The following HCN2 variants were observed in gnomAD, a reference collection of about 807,000 sequenced individuals.
HCN2 encodes the protein potassium/sodium hyperpolarization-activated cyclic nucleotide-gated channel 2.
Under a neutral mutation model 52.3 loss-of-function variants are expected in HCN2, and 20 were observed. The ratio of observed to expected loss-of-function variants is 0.38; its 90% confidence interval spans 0.27 to 0.56. HCN2 has a LOEUF of 0.56. Ranked by LOEUF, HCN2 falls within the 20% of genes least tolerant of loss-of-function variation. HCN2 has a pLI of 0.71. For missense variants in HCN2, 981 were observed against 1,207.7 expected, an observed-to-expected ratio of 0.81 and a Z score of 2.78; for synonymous variants, 694 against 537.0, an observed-to-expected ratio of 1.29 and a Z score of -4.04.
chr19:592,395 G>A lies in HCN2; in HGVS notation c.632+1818G>A, dbSNP rs1030977095. 2.0e-5 allele frequency among the ~76,000 whole-genome samples: 3 copies of A among 152,198 alleles called. No homozygotes were observed. The highest frequency in any genetic ancestry group is 4.1e-4 in the South Asian group (2 of 4,836). The stretch of plus-strand genomic sequence containing the variant: ...GGCAGGTGGGCAGATGGCTGATCCC[G>A]GGGCTTGGGGGGAAGGCCGGTGGTA... On this transcript the variant is annotated intron_variant, in intron 1 of 7. Transcript: ENST00000251287. The surrounding 1 kb of genome is among the most constrained non-coding windows in gnomAD (Gnocchi z 4.8).
intron 7 of HCN2, 40 bp from the exon 8 acceptor site, chr19:615,755 G>T (rs1002766862): frequency 6.2e-7 from 1 of 1,602,726 alleles, no homozygotes; most frequent in Non-Finnish European, 8.5e-7. Context: ...GTACGCAGCA[G>T]GCGCTCCCTG....
chr19:597,326 C>G (rs532432575), intron 1 of HCN2, among the ~76,000 whole-genome samples: 1 of 152,326 alleles, frequency 6.6e-6, no homozygotes, highest in Admixed American at 6.5e-5. Context: ...AGTCCCACTT[C>G]CATCAGAGGG....
intron 1 of HCN2, among the ~76,000 whole-genome samples, chr19:597,165 C>G (rs1428496859): frequency 6.6e-6 from 1 of 152,256 alleles, no homozygotes; most frequent in East Asian, 1.9e-4. Flanking sequence ...CCCCTCTGCT[C>G]TGACCCCCGT....
chr19:608,582 G>A (rs979003390), intron 4 of HCN2, among the ~76,000 whole-genome samples: 2 of 152,018 alleles, frequency 1.3e-5, no homozygotes, highest in South Asian at 2.1e-4. Flanking sequence ...GGAGATGGAC[G>A]TGGGGCGGGG....
rs545569062 is a variant in HCN2, at chr19:600,675, T to G, written c.633-2869T>G. ...TCTGTATTTTTAGTAGAGACGGGGT[T>G]TCACCATATTGGCCAGGCTGGTCTC... On this transcript the variant is annotated intron_variant, in intron 1 of 7. Transcript: ENST00000251287. Among the ~76,000 whole-genome samples, 655 of 152,012 alleles carry G rather than the reference T, an allele frequency of 4.3e-3. 5 individuals carry two copies. Among genetic ancestry groups the G allele is most frequent in the African/African-American group, 0.015 (609 of 41,470 alleles).
Position 589,903 on chromosome 19 carries a change from G to C in HCN2, c.-43G>C. 2 of 802,506 alleles carry C rather than the reference G, an allele frequency of 2.5e-6. No homozygotes were observed. Among genetic ancestry groups the C allele is most frequent in the Non-Finnish European group, 3.0e-6 (2 of 676,502 alleles). The allele number at this position is 802,506 out of a possible 1,614,324, so 49.7% of individuals were successfully genotyped here. On this transcript the variant is annotated 5_prime_UTR_variant, in exon 1 of 8. Coordinates refer to ENST00000251287, the MANE Select transcript of HCN2 (RefSeq NM_001194.4). ...CCTCCCTCGGGCTCCGGCCGGCGGCGGCGGCGGCGGCTCCGCTCCGCACTG... is the reference window on the plus strand; with the variant it reads ...CCTCCCTCGGGCTCCGGCCGGCGGCCGCGGCGGCGGCTCCGCTCCGCACTG...
Position 607,963 on chromosome 19 carries a change from G to T in HCN2, c.1219-1G>T. 2 of 1,606,954 alleles carry T rather than the reference G, an allele frequency of 1.2e-6. No homozygotes were observed. The highest frequency in any genetic ancestry group is 1.7e-6 in the Non-Finnish European group (2 of 1,176,046). Reference sequence around the variant, plus strand: ...CACCGCCCCTCCTGCTGGCCTTGCAGAACCACTCGTGGAGTGAACTGTACT... The same window carrying T: ...CACCGCCCCTCCTGCTGGCCTTGCATAACCACTCGTGGAGTGAACTGTACT... On this transcript the variant is annotated splice_acceptor_variant, in intron 3 of 7. Transcript: ENST00000251287. LOFTEE classifies it high-confidence loss of function.
chr19:607,929 C>G, intron 3 of HCN2, 35 bp from the exon 4 acceptor site: 1 of 1,555,198 alleles, frequency 6.4e-7, no homozygotes, highest in Non-Finnish European at 8.8e-7. Context: ...GGCGTGAGCA[C>G]CTGCCCACCA....
At position 616,520 on chromosome 19, in the gene HCN2, C is replaced by G; in HGVS notation, c.*46C>G. ...GGCCCAGGCGGGCCGGGGGCGGGGC[C>G]GTCATCCAGACCAAAGCCATGCCAT... On this transcript the variant is annotated 3_prime_UTR_variant, in exon 8 of 8. Coordinates refer to ENST00000251287, the MANE Select transcript of HCN2 (RefSeq NM_001194.4). 2 of 1,131,328 alleles carry G rather than the reference C, an allele frequency of 1.8e-6. No individual in the cohort carries two copies. Among genetic ancestry groups the G allele is most frequent in the South Asian group, 2.7e-5 (1 of 37,466 alleles). The allele number at this position is 1,131,328 out of a possible 1,614,324, so 70.1% of individuals were successfully genotyped here. A position where few individuals can be genotyped will look rare whatever the true frequency, so the allele number is the denominator to read the frequency against.
rs947604075 is a variant in HCN2, at chr19:616,651, G to A, written c.*177G>A. ...GCGGGGCAGCCCCCTCCGCGCCCCCGGCCGTCCCCCCTCATCGCCCCGCGC... is the reference window on the plus strand; with the variant it reads ...GCGGGGCAGCCCCCTCCGCGCCCCCAGCCGTCCCCCCTCATCGCCCCGCGC... On this transcript the variant is annotated 3_prime_UTR_variant, in exon 8 of 8. Coordinates refer to ENST00000251287, the MANE Select transcript of HCN2 (RefSeq NM_001194.4). 67 of 277,228 alleles carry A rather than the reference G, an allele frequency of 2.4e-4. 1 individual carries two copies. The South Asian group carries it at 9.0e-3, about 37-fold the overall frequency. 17.2% of individuals were successfully genotyped at this position (277,228 alleles called of 1,614,324 possible). A position where few individuals can be genotyped will look rare whatever the true frequency, so the allele number is the denominator to read the frequency against.
At chr19:605,337 A>G (rs1983388860) in intron 3 of HCN2, 115 bp downstream of exon 3, 1 of 808,454 alleles carries the variant, frequency 1.2e-6, no homozygotes. Flanking sequence ...AGAGGTGGGG[A>G]CCCAGGCGCC....
chr19:590,474 A>G lies in HCN2; in HGVS notation c.529A>G (p.Lys177Glu). The G allele has an allele frequency of 6.6e-7, 1 of 1,521,616 alleles. No individual in the cohort carries two copies. Among genetic ancestry groups the G allele is most frequent in the Non-Finnish European group, 8.9e-7 (1 of 1,129,732 alleles). The allele number at this position is 1,521,616 out of a possible 1,614,324, so 94.3% of individuals were successfully genotyped here. Reference protein sequence around the residue: ...FGALLQPGVNKFSLRMFGSQK... With the variant: ...FGALLQPGVNEFSLRMFGSQK... ...CGCGCTCCTGCAGCCGGGCGTCAAC[A>G]AGTTCTCGCTGCGGATGTTCGGCAG... The change falls in exon 1 of 8, where the codon AAG (lysine) becomes GAG (glutamate). Residue 177 changes from lysine to glutamate, a missense_variant. Lys to Glu is a moderately conservative substitution (Grantham distance 56, BLOSUM62 1). Coordinates refer to ENST00000251287, the MANE Select transcript of HCN2 (RefSeq NM_001194.4). This position sits in a 1 kb window ranked among gnomAD's most constrained non-coding sequence, Gnocchi z 7.2.
At chr19:612,393 G>GGTGTGTGTGTGTGTGTGT (rs140326049) in intron 5 of HCN2, among the ~76,000 whole-genome samples, 325 of 141,834 alleles carry the variant, frequency 2.3e-3, no homozygotes, top group African/African-American at 6.4e-3. Context: ...GCTTTCCACT[G>GGTGTGTGTGTGTGTGTGT]GTGTGTGTGT....
At chr19:611,902 T>C (rs1983650863) in intron 5 of HCN2, among the ~76,000 whole-genome samples, 3 of 152,070 alleles carry the variant, frequency 2.0e-5, no homozygotes, top group Admixed American at 1.3e-4. Context: ...TCCCAGCACT[T>C]TCAGAGGCCG....
intron 4 of HCN2, 78 bp downstream of exon 4, chr19:608,260 C>A: frequency 7.4e-7 from 1 of 1,358,050 alleles, no homozygotes; most frequent in Non-Finnish European, 1.0e-6. Context: ...GAGAGTCAGG[C>A]CAGGCCCTGG....
intron 1 of HCN2, among the ~76,000 whole-genome samples, chr19:601,527 T>TGGTCAC (rs1983201038): frequency 8.2e-6 from 1 of 121,734 alleles, no homozygotes; most frequent in Admixed American, 1.0e-4. Context: ...CACAGCGGAG[T>TGGTCAC]GGTCGTCGTC....
rs1982815023 is a variant in HCN2 at position 590,014 on chromosome 19, G to A, written c.69G>A (p.Pro23=). The change falls in exon 1 of 8, where the codon CCG becomes CCA. Residue 23 remains proline (P), a synonymous_variant. Coordinates refer to ENST00000251287, the MANE Select transcript of HCN2 (RefSeq NM_001194.4). This position sits in a 1 kb window ranked among gnomAD's most constrained non-coding sequence, Gnocchi z 7.2. Reference sequence around the variant, plus strand: ...GCGCGACCCCCGCGCCGGGGCCGCCGCCGCCGCCGCCGCCCGCGCCCCCCC... The same window carrying A: ...GCGCGACCCCCGCGCCGGGGCCGCCACCGCCGCCGCCGCCCGCGCCCCCCC... ...SPGATPAPGP[P]PPPPPAPPQQ... is the part of the protein sequence containing the mutation. The A allele has an allele frequency of 6.8e-6, 4 of 588,582 alleles. No individual in the cohort carries two copies. The highest frequency in any genetic ancestry group is 8.3e-6 in the Non-Finnish European group (4 of 482,678). The allele number at this position is 588,582 out of a possible 1,614,324, so 36.5% of individuals were successfully genotyped here.
chr19:593,512 C>T (rs982290359), intron 1 of HCN2, among the ~76,000 whole-genome samples: 1 of 152,074 alleles, frequency 6.6e-6, no homozygotes, highest in East Asian at 1.9e-4. Flanking sequence ...CCCAGCTACT[C>T]GGGAGGCTGA....
Position 615,292 on chromosome 19 carries a change from G to A in HCN2, c.1991-503G>A, listed in dbSNP as rs1600541320. ...TCGGAGGCCAAGGTGGGTGGATCAC[G>A]AGGTCAGGAGATTGAGACCATCCTG... On this transcript the variant is annotated intron_variant, in intron 7 of 7. Transcript: ENST00000251287. Among the ~76,000 whole-genome samples the A allele has an allele frequency of 2.6e-5, 4 of 152,078 alleles. No individual in the cohort carries two copies. In the South Asian group the frequency reaches 6.2e-4, roughly 24 times the overall value.
Sources: allele counts gnomAD v4.1 joint callset (sites outside exome capture counted in the v4.1 genomes callset), GRCh38; gene constraint gnomAD v4.1.1; non-coding constraint Gnocchi (gnomAD v3.1); transcripts MANE v1.5; gene names NCBI Gene and HGNC (gene_info 2026-07-23, HGNC 2026-07-21).